PCDHA5: variants seen among roughly 807,000 people sequenced by gnomAD.
PCDHA5 encodes the protein protocadherin alpha 5, also known as protocadherin alpha-5.
PCDHA5 carries 43 observed loss-of-function variants against 61.6 expected under a neutral mutation model. That is an observed-to-expected ratio of 0.70 (90% CI 0.55 to 0.90). The LOEUF is 0.90. Among genes scored for constraint, PCDHA5 ranks in the 40% least tolerant of loss-of-function variants. The pLI is 0.00. For synonymous variants in PCDHA5, 627 were observed against 543.9 expected (o/e 1.15, Z -2.13); for missense variants, 1,298 against 1,222.7 (o/e 1.06, Z -0.92).
At position 141,000,421 on chromosome 5, in the gene PCDHA5, A is replaced by ATTTTTT. The variant is rs34755515; in HGVS notation, c.2501-9188_2501-9183dup. On this transcript the variant is annotated intron_variant, in intron 3 of 3. Coordinates refer to ENST00000529859, the MANE Select transcript of PCDHA5 (RefSeq NM_018908.3). ...TATATATATATATATATATATATAT[A>ATTTTTT]TTTTTTTTTTTTTTTTTTTTTTTGA... 3.2e-4 allele frequency among the ~76,000 whole-genome samples: 9 copies of ATTTTTT among 27,978 alleles called. 1 individual carries two copies. The highest frequency in any genetic ancestry group is 5.3e-4 in the African/African-American group (3 of 5,638). 18.4% of individuals were successfully genotyped at this position (27,978 alleles called of 152,430 possible).
chr5:140,952,798 G>A (rs1554220633), intron 1 of PCDHA5, among the ~76,000 whole-genome samples: 1 of 152,138 alleles, frequency 6.6e-6, no homozygotes, highest in Non-Finnish European at 1.5e-5. Flanking sequence ...TAACTGGCTC[G>A]CAGTTCTGCA....
intron 1 of PCDHA5, chr5:140,852,101 T>C (rs1297369324): frequency 1.1e-6 from 1 of 909,228 alleles, no homozygotes; most frequent in Non-Finnish European, 1.3e-6. Context: ...TGTCAGATAT[T>C]TTACAAGGTA....
At chr5:140,836,595 ACT>A (rs2150265014) in intron 1 of PCDHA5, 1 of 1,613,556 alleles carries the variant, frequency 6.2e-7, no homozygotes, top group Non-Finnish European at 8.5e-7. Context: ...GGTAAAGCCC[ACT>A]CTGGTGTGCT....
At position 140,828,334 on chromosome 5, in the gene PCDHA5, T is replaced by G. The variant is rs782374670; in HGVS notation, c.2352+4207T>G. 3.7e-6 allele frequency: 6 copies of G among 1,614,106 alleles called. No individual in the cohort carries two copies. The highest frequency in any genetic ancestry group is 5.1e-6 in the Non-Finnish European group (6 of 1,180,052). On this transcript the variant is annotated intron_variant, in intron 1 of 3. Coordinates refer to ENST00000529859, the MANE Select transcript of PCDHA5 (RefSeq NM_018908.3). ...ACCTTCTGGAGGTAAATCTGCAGAA[T>G]GGCATTTTGTTTGTGAATTCTCGGA...
Position 140,914,039 on chromosome 5 carries a change from G to A in PCDHA5, c.2353-64910G>A, listed in dbSNP as rs147787020. Among the ~76,000 whole-genome samples the A allele has an allele frequency of 2.0e-5, 3 of 152,238 alleles. No individual in the cohort carries two copies. In the East Asian group the frequency reaches 5.8e-4, roughly 29 times the overall value. ...ATGATCCACGTGCTGAGAAGAATGT[G>A]TATTCTGCAGCTGTTGGATGAAATG... is the stretch of plus-strand genomic sequence containing the variant. On this transcript the variant is annotated intron_variant, in intron 1 of 3. Coordinates refer to ENST00000529859, the MANE Select transcript of PCDHA5 (RefSeq NM_018908.3).
intron 1 of PCDHA5, among the ~76,000 whole-genome samples, chr5:140,846,792 C>A (rs1780678433): frequency 6.7e-6 from 1 of 149,422 alleles, no homozygotes. Context: ...TACTGAGCCC[C>A]AGCCCCTGGC....
At position 140,937,140 on chromosome 5, in the gene PCDHA5, C is replaced by T. The variant is rs553273845; in HGVS notation, c.2353-41809C>T. Among the ~76,000 whole-genome samples, 820 of 151,358 alleles carry T rather than the reference C, an allele frequency of 5.4e-3. 1 individual carries two copies. The highest frequency in any genetic ancestry group is 0.019 in the African/African-American group (789 of 41,228). On this transcript the variant is annotated intron_variant, in intron 1 of 3. Transcript: ENST00000529859. Reference sequence around the variant, plus strand: ...GCAAGCTCCGCCTCCCGGGTTCATGCCATTCTCCTGCCTCAGCCTCCCGAG... The same window carrying T: ...GCAAGCTCCGCCTCCCGGGTTCATGTCATTCTCCTGCCTCAGCCTCCCGAG...
chr5:140,945,807 C>G (rs1408404648), intron 1 of PCDHA5, among the ~76,000 whole-genome samples: 1 of 152,120 alleles, frequency 6.6e-6, no homozygotes, highest in African/African-American at 2.4e-5. Context: ...AGACCCTTAT[C>G]TCACACTGTA....
In PCDHA5 at chr5:140,830,227, C is replaced by G. The variant is rs2150183026; in HGVS notation, c.2352+6100C>G. 2.1e-5 allele frequency: 34 copies of G among 1,613,900 alleles called. No individual in the cohort carries two copies. The African/African-American group carries it at 3.6e-4, about 17-fold the overall frequency. ...TCTGCGCGGTATCCAGCCTGCTGGT[C>G]CTCACGCTACTGCTGTACACAGCGC... On this transcript the variant is annotated intron_variant, in intron 1 of 3. Coordinates refer to ENST00000529859, the MANE Select transcript of PCDHA5 (RefSeq NM_018908.3).
At chr5:140,968,563 T>G in intron 1 of PCDHA5, 1 of 1,614,204 alleles carries the variant, frequency 6.2e-7, no homozygotes, top group South Asian at 1.1e-5. Context: ...GAACTGCCCC[T>G]GCTGGCTACC....
intron 1 of PCDHA5, among the ~76,000 whole-genome samples, chr5:140,946,700 G>T (rs2094011625): frequency 6.7e-6 from 1 of 148,322 alleles, no homozygotes; most frequent in African/African-American, 2.5e-5. Flanking sequence ...GGATGAATCT[G>T]GAGGTCATTA....
At chr5:140,939,768 G>A (rs1241071492) in intron 1 of PCDHA5, among the ~76,000 whole-genome samples, 1 of 152,162 alleles carries the variant, frequency 6.6e-6, no homozygotes, top group Non-Finnish European at 1.5e-5. Context: ...TAGTATTTCA[G>A]GGTGTGAATG....
intron 1 of PCDHA5, among the ~76,000 whole-genome samples, chr5:140,941,202 C>CTTTCTTTCTTTCTTTCTTTCTTTCTTT (rs1554213921): frequency 8.1e-6 from 1 of 122,708 alleles, no homozygotes; most frequent in Admixed American, 8.6e-5. Context: ...TTTCTTTCTT[C>CTTTCTTTCTTTCTTTCTTTCTTTCTTT]CTTTCTTTCT....
chr5:140,922,434 C>T (rs1167616099), intron 1 of PCDHA5, among the ~76,000 whole-genome samples: 1 of 152,180 alleles, frequency 6.6e-6, no homozygotes, highest in Admixed American at 6.5e-5. Flanking sequence ...GAGGGCAGAA[C>T]TCTCTCATTA....
At position 140,858,141 on chromosome 5, in the gene PCDHA5, T is replaced by C. The variant is rs1247420166; in HGVS notation, c.2352+34014T>C. 4 of 1,597,496 alleles carry C rather than the reference T, an allele frequency of 2.5e-6. No individual in the cohort carries two copies. The African/African-American group carries it at 5.4e-5, about 21-fold the overall frequency. ...GCCCTGGTGGATGTCAACGTGTACC[T>C]GATCATCGCCATCTGCGCGGTGTCC... On this transcript the variant is annotated intron_variant, in intron 1 of 3. Transcript: ENST00000529859.
At chr5:140,845,739 T>A (rs1410365251) in intron 1 of PCDHA5, among the ~76,000 whole-genome samples, 1 of 149,672 alleles carries the variant, frequency 6.7e-6, no homozygotes, top group African/African-American at 2.4e-5. Context: ...TTCTACTTTA[T>A]AGATTTATTT....
chr5:140,867,681 A>G (rs759356211), intron 1 of PCDHA5: 2 of 152,096 alleles, frequency 1.3e-5, no homozygotes, highest in African/African-American at 2.4e-5. Flanking sequence ...ATTTTGTTGC[A>G]TCTTCTTTTT....
intron 3 of PCDHA5, among the ~76,000 whole-genome samples, chr5:140,985,373 C>G (rs1228293287): frequency 6.6e-6 from 1 of 152,106 alleles, no homozygotes. Flanking sequence ...TTATCTGGGT[C>G]TATATAATCC....
chr5:140,985,899 C>T (rs1303947192), intron 3 of PCDHA5, among the ~76,000 whole-genome samples: 2 of 152,020 alleles, frequency 1.3e-5, no homozygotes, highest in African/African-American at 4.8e-5. Flanking sequence ...GCCACCACTC[C>T]CGTCTAATTT....
Sources: gnomAD v4.1 joint callset for allele counts (sites outside exome capture counted in the v4.1 genomes callset) on GRCh38, gnomAD v4.1.1 for gene constraint, MANE v1.5 for transcripts, NCBI Gene and HGNC (gene_info 2026-07-23, HGNC 2026-07-21) for gene names.